The following SH3PXD2A variants were observed in gnomAD, a reference collection of about 807,000 sequenced individuals.
The protein encoded by SH3PXD2A is SH3 and PX domain-containing protein 2A.
Under a neutral mutation model 115.2 loss-of-function variants are expected in SH3PXD2A, and 32 were observed. The ratio of observed to expected loss-of-function variants is 0.28; its 90% CI spans 0.21 to 0.37. SH3PXD2A has a LOEUF of 0.37. SH3PXD2A is among the 10% of genes least tolerant of loss of function. The pLI, the probability that SH3PXD2A is intolerant of heterozygous loss-of-function variation, is 1.00. For missense variants in SH3PXD2A, 1,328 were observed against 1,498.7 expected (o/e 0.89, Z 1.88); for synonymous variants, 610 against 629.1 (o/e 0.97, Z 0.45).
intron 1 of SH3PXD2A, among the ~76,000 whole-genome samples, chr10:103,846,623 T>C (rs1482118897): frequency 6.6e-6 from 1 of 152,342 alleles, no homozygotes; most frequent in East Asian, 1.9e-4. Context: ...AAAGCAGCTG[T>C]TATACCTGCC....
rs540748561 is a variant in SH3PXD2A, at chr10:103,784,748, G to A, written c.153+16534C>T. Among the ~76,000 whole-genome samples, 11 of 151,424 alleles carry A rather than the reference G, an allele frequency of 7.3e-5. No individual in the cohort carries two copies. In the East Asian group the frequency reaches 2.1e-3, roughly 30 times the overall value. ...AGAAGAGGAAAAGAAAGGGGAGGAG[G>A]AGGAGAAGTAAGAAGGAGGAAGGAA... On this transcript the variant is annotated intron_variant, in intron 2 of 14. Transcript: ENST00000369774. This position sits in a 1 kb window ranked among gnomAD's most constrained non-coding sequence, Gnocchi z 4.4.
chr10:103,778,020 T>C (rs1341217763), intron 2 of SH3PXD2A, among the ~76,000 whole-genome samples: 1 of 152,114 alleles, frequency 6.6e-6, no homozygotes, highest in Non-Finnish European at 1.5e-5. Context: ...TTCCCCTCCA[T>C]GGTGGCTGAA....
Position 103,650,182 on chromosome 10 carries a change from AGCAGCTCAGCAGCG to A in SH3PXD2A, c.604+10787_604+10800del, listed in dbSNP as rs1157192063. ...AGGTGAGCAGCAGCTCAGCAGCGGC[AGCAGCTCAGCAGCG>A]GCAGCAGCTGGAGAGCCCTGCTCCC... On this transcript the variant is annotated intron_variant, in intron 8 of 14. Coordinates refer to ENST00000369774, the MANE Select transcript of SH3PXD2A (RefSeq NM_001394015.1). Among the ~76,000 whole-genome samples the A allele has an allele frequency of 1.5e-4, 23 of 152,138 alleles. No homozygotes were observed. The East Asian group carries it at 1.5e-3, about 10-fold the overall frequency.
intron 3 of SH3PXD2A, chr10:103,754,831 G>A (rs1410970581): frequency 6.6e-6 from 1 of 152,158 alleles, no homozygotes; most frequent in Non-Finnish European, 1.5e-5. Flanking sequence ...CCTCTACTTT[G>A]AGTCAGAAAT....
intron 3 of SH3PXD2A, among the ~76,000 whole-genome samples, chr10:103,762,624 C>T (rs2134219271): frequency 6.6e-6 from 1 of 152,292 alleles, no homozygotes; most frequent in East Asian, 1.9e-4. Flanking sequence ...GGAGAACTGC[C>T]AGTCCCACGT....
At chr10:103,811,672 C>T (rs182863966) in intron 1 of SH3PXD2A, among the ~76,000 whole-genome samples, 3 of 152,244 alleles carry the variant, frequency 2.0e-5, no homozygotes, top group East Asian at 3.9e-4. Flanking sequence ...CTTGGTGGCT[C>T]AATTAGCTCT....
chr10:103,671,876 C>G (rs114922878), intron 6 of SH3PXD2A, among the ~76,000 whole-genome samples: 4,217 of 152,342 alleles, frequency 0.028, 188 homozygotes, highest in African/African-American at 0.094. Context: ...GATCCAGAAC[C>G]AACGGCCCTA....
chr10:103,738,880 T>C (rs559217745), intron 3 of SH3PXD2A, among the ~76,000 whole-genome samples: 10 of 152,052 alleles, frequency 6.6e-5, no homozygotes, highest in East Asian at 1.9e-4. Context: ...CTGCAGCCTC[T>C]GCCTCCCGGG....
intron 2 of SH3PXD2A, among the ~76,000 whole-genome samples, chr10:103,787,758 T>C (rs949412480): frequency 6.6e-6 from 1 of 152,056 alleles, no homozygotes; most frequent in Non-Finnish European, 1.5e-5. Context: ...ACCAGCCTCA[T>C]TCTTCCTGTT....
intron 1 of SH3PXD2A, among the ~76,000 whole-genome samples, chr10:103,805,003 G>A (rs920396738): frequency 2.6e-5 from 4 of 152,274 alleles, no homozygotes; most frequent in South Asian, 4.1e-4. Flanking sequence ...AGCTAAATGT[G>A]AGGAGGGCCC....
intron 5 of SH3PXD2A, among the ~76,000 whole-genome samples, chr10:103,706,440 C>G (rs896356460): frequency 6.6e-6 from 1 of 152,208 alleles, no homozygotes; most frequent in Non-Finnish European, 1.5e-5. Context: ...GCCTAATACA[C>G]TTTCTGGCAC....
chr10:103,836,240 GC>G (rs1185211108), intron 1 of SH3PXD2A, among the ~76,000 whole-genome samples: 1 of 152,074 alleles, frequency 6.6e-6, no homozygotes, highest in Non-Finnish European at 1.5e-5. Flanking sequence ...GGACCCCCTA[GC>G]CTGATCATAG....
At chr10:103,658,050 A>G (rs2037236903) in intron 8 of SH3PXD2A, among the ~76,000 whole-genome samples, 2 of 152,240 alleles carry the variant, frequency 1.3e-5, no homozygotes, top group African/African-American at 4.8e-5. Flanking sequence ...ACTCCCTTCT[A>G]CTGCATGGTG....
intron 5 of SH3PXD2A, among the ~76,000 whole-genome samples, chr10:103,717,527 A>G (rs1012715371): frequency 4.6e-5 from 7 of 152,166 alleles, no homozygotes; most frequent in Admixed American, 4.6e-4. Context: ...CTAAGAAAAG[A>G]ATGAGGGCGT....
Position 103,627,005 on chromosome 10 carries a change from G to A in SH3PXD2A, c.718+84C>T. 2.6e-6 allele frequency: 2 copies of A among 769,666 alleles called. No individual in the cohort carries two copies. The highest frequency in any genetic ancestry group is 1.5e-5 in the South Asian group (1 of 66,276). 47.7% of individuals were successfully genotyped at this position (769,666 alleles called of 1,614,324 possible). Reference sequence around the variant, plus strand: ...GGATATGGCTCAGCTCACTTTAGGGGTTCTGTTGGTTCTAGGGAAAGAGTG... The same window carrying A: ...GGATATGGCTCAGCTCACTTTAGGGATTCTGTTGGTTCTAGGGAAAGAGTG... On this transcript the variant is annotated intron_variant, in intron 9 of 14. Transcript: ENST00000369774. This position sits in a 1 kb window ranked among gnomAD's most constrained non-coding sequence, Gnocchi z 4.4.
intron 2 of SH3PXD2A, among the ~76,000 whole-genome samples, chr10:103,769,417 A>G (rs1007830831): frequency 2.7e-5 from 4 of 149,888 alleles, no homozygotes; most frequent in Non-Finnish European, 5.9e-5. Context: ...AAGCTGGCTC[A>G]TGATTTTTTC....
chr10:103,750,990 C>A (rs989089847), intron 3 of SH3PXD2A, among the ~76,000 whole-genome samples: 1 of 152,170 alleles, frequency 6.6e-6, no homozygotes, highest in Non-Finnish European at 1.5e-5. Flanking sequence ...AACACCACAG[C>A]GGGAAACGGA....
intron 1 of SH3PXD2A, among the ~76,000 whole-genome samples, chr10:103,823,608 T>C (rs1001829981): frequency 8.5e-5 from 13 of 152,214 alleles, no homozygotes; most frequent in African/African-American, 2.4e-4. Context: ...CAGAAGAAGA[T>C]GCTGAGGGTC....
intron 12 of SH3PXD2A, among the ~76,000 whole-genome samples, chr10:103,612,076 T>G (rs1027880081): frequency 5.3e-5 from 8 of 152,238 alleles, no homozygotes; most frequent in Non-Finnish European, 1.5e-5. Context: ...GCACGAGAGC[T>G]AACTTAACCC....
Sources: gnomAD v4.1 joint callset for allele counts (sites outside exome capture counted in the v4.1 genomes callset) on GRCh38, gnomAD v4.1.1 for gene constraint, Gnocchi (gnomAD v3.1) non-coding constraint, MANE v1.5 for transcripts, NCBI Gene and HGNC (gene_info 2026-07-23, HGNC 2026-07-21) for gene names.